The following TPO variants were observed in gnomAD, a reference collection of about 807,000 sequenced individuals.
The protein encoded by TPO is thyroid microsomal antigen.
In TPO, 78 loss-of-function variants were observed where a neutral mutation model predicts 96.9. The ratio of observed to expected loss-of-function variants is 0.81; its 90% CI spans 0.67 to 0.97. The LOEUF (loss-of-function observed/expected upper bound fraction) is 0.97, where lower values mean the gene tolerates loss of function less well. TPO is among the 50% of genes least tolerant of loss of function. TPO has a pLI of 0.00. For synonymous variants in TPO, 547 were observed against 538.0 expected, an observed-to-expected ratio of 1.02 and a Z score of -0.23; for missense variants, 1,252 against 1,274.8, an observed-to-expected ratio of 0.98 and a Z score of 0.27.
chr2:1,433,588 A>G lies in TPO; in HGVS notation c.330A>G (p.Gln110=), dbSNP rs758238641. ...AMKRKVNLKT[Q]QSQHPTDALS... ...AAAGAAAAGTCAACCTGAAAACTCA[A>G]CAATCACAGCATCCAACGGGTAATG... The change falls in exon 4 of 17, where the codon CAA becomes CAG. Residue 110 remains glutamine (Q), a synonymous_variant. Coordinates refer to ENST00000329066, the MANE Select transcript of TPO (RefSeq NM_001206744.2). The G allele has an allele frequency of 8.1e-6, 13 of 1,613,934 alleles. No individual in the cohort carries two copies. The highest frequency in any genetic ancestry group is 6.7e-5 in the East Asian group (3 of 44,876).
At chr2:1,484,377 G>A (rs1281667818) in intron 8 of TPO, among the ~76,000 whole-genome samples, 1 of 152,232 alleles carries the variant, frequency 6.6e-6, no homozygotes. Flanking sequence ...ATCCTGGGAA[G>A]GAGGCTCTCT....
chr2:1,537,481 CA>C (rs1453616122), intron 15 of TPO, among the ~76,000 whole-genome samples: 208 of 46,116 alleles, frequency 4.5e-3, no homozygotes, highest in Non-Finnish European at 7.0e-3. Context: ...CAAATTCTTC[CA>C]CTCTGTGCAG....
At chr2:1,378,156 G>A (rs773236806) in intron 1 of TPO, among the ~76,000 whole-genome samples, 11 of 152,186 alleles carry the variant, frequency 7.2e-5, no homozygotes, top group South Asian at 2.1e-4. Context: ...CTGTGAGTTC[G>A]TTAAACCTCT....
intron 11 of TPO, 75 bp downstream of exon 11, chr2:1,494,114 C>T (rs1454793824): frequency 2.1e-6 from 3 of 1,414,538 alleles, no homozygotes; most frequent in African/African-American, 2.8e-5. Context: ...CTGAAGCCAG[C>T]CAGACCTGCA....
chr2:1,402,453 A>AG (rs897075273), intron 1 of TPO, among the ~76,000 whole-genome samples: 1 of 152,164 alleles, frequency 6.6e-6, no homozygotes, highest in Non-Finnish European at 1.5e-5. Flanking sequence ...CACGGAGCCA[A>AG]GGGGGGTGGG....
intron 13 of TPO, 151 bp downstream of exon 13, chr2:1,496,916 T>C: frequency 3.3e-6 from 4 of 1,225,208 alleles, no homozygotes; most frequent in Non-Finnish European, 4.6e-6. Context: ...GCAAGGGCTC[T>C]CCCCTTGGCT....
chr2:1,452,816 T>C (rs1228920490), intron 5 of TPO, among the ~76,000 whole-genome samples: 1 of 152,220 alleles, frequency 6.6e-6, no homozygotes, highest in Non-Finnish European at 1.5e-5. Flanking sequence ...TAGAAGATGC[T>C]CTGAGACATA....
At chr2:1,476,790 G>A (rs758034679) in intron 7 of TPO, among the ~76,000 whole-genome samples, 4 of 151,944 alleles carry the variant, frequency 2.6e-5, no homozygotes, top group East Asian at 1.9e-4. Context: ...GGGGAGGTGC[G>A]GGGCTGGCTG....
rs541172260 is a variant in TPO at position 1,408,169 on chromosome 2, C to T, written n.180+33767C>T. ...ACACAGATATTCAGGATCCTCTTGT[C>T]CCCGTGTGCAGAGAGGCCTGGTGCT... On this transcript the variant is annotated intron_variant and non_coding_transcript_variant, in intron 1 of 5. Transcript: ENST00000497517. Among the ~76,000 whole-genome samples the T allele has an allele frequency of 7.5e-4, 115 of 152,328 alleles. 1 individual carries two copies. The highest frequency in any genetic ancestry group is 3.1e-3 in the South Asian group (15 of 4,822).
At chr2:1,528,850 T>C (rs1167101727) in intron 15 of TPO, among the ~76,000 whole-genome samples, 16 of 80,214 alleles carry the variant, frequency 2.0e-4, no homozygotes, top group South Asian at 9.0e-4. Context: ...TGCAACCTCC[T>C]CAAATCCCCC....
intron 13 of TPO, among the ~76,000 whole-genome samples, chr2:1,498,602 G>C (rs1169849191): frequency 6.6e-6 from 1 of 152,184 alleles, no homozygotes; most frequent in Non-Finnish European, 1.5e-5. Context: ...TTTGGGATTG[G>C]TCATGAATGA....
chr2:1,489,028 A>G lies in TPO; in HGVS notation c.1768+1037A>G, dbSNP rs115435360. The stretch of plus-strand genomic sequence containing the variant: ...GAGCACAGCCTACACATGCCTTCAC[A>G]TGCCCGGCACATACCCAGCACACAC... On this transcript the variant is annotated intron_variant, in intron 10 of 16. Coordinates refer to ENST00000329066, the MANE Select transcript of TPO (RefSeq NM_001206744.2). Among the ~76,000 whole-genome samples, 487 of 152,192 alleles carry G rather than the reference A, an allele frequency of 3.2e-3. 4 individuals carry two copies. Among genetic ancestry groups the G allele is most frequent in the African/African-American group, 8.0e-3 (333 of 41,518 alleles).
chr2:1,503,663 C>T (rs539644862), intron 13 of TPO: 1 of 599,514 alleles, frequency 1.7e-6, no homozygotes, highest in Admixed American at 2.2e-5. Context: ...CCCAGGCAGA[C>T]CCTGATTTCC....
chr2:1,433,487 T>C lies in TPO; in HGVS notation c.229T>C (p.Ser77Pro), dbSNP rs80193921. Reference protein sequence around the residue: ...ILSPAQLLSFSKLPEPTSGVI... With the variant: ...ILSPAQLLSFPKLPEPTSGVI... ...TTCTCCAGCTCAGCTTCTGTCTTTTTCCAAACTTCCTGAGCCAACAAGCGG... is the reference window on the plus strand; with the variant it reads ...TTCTCCAGCTCAGCTTCTGTCTTTTCCCAAACTTCCTGAGCCAACAAGCGG... Residue 77 changes from serine to proline, a missense_variant, in exon 4 of 17, where the codon TCC becomes CCC. Physicochemically the swap from Ser to Pro is moderately conservative, Grantham distance 74. Coordinates refer to ENST00000329066, the MANE Select transcript of TPO (RefSeq NM_001206744.2). 3.1e-6 allele frequency: 5 copies of C among 1,614,218 alleles called. No individual in the cohort carries two copies. The highest frequency in any genetic ancestry group is 1.3e-5 in the African/African-American group (1 of 75,046).
chr2:1,502,148 C>T (rs889153691), intron 13 of TPO, among the ~76,000 whole-genome samples: 5 of 152,078 alleles, frequency 3.3e-5, no homozygotes, highest in African/African-American at 1.2e-4. Flanking sequence ...GGAAACACTC[C>T]CTACCCCAGA....
intron 1 of TPO, among the ~76,000 whole-genome samples, chr2:1,408,219 G>A (rs556550897): frequency 2.0e-5 from 3 of 152,278 alleles, no homozygotes; most frequent in Non-Finnish European, 2.9e-5. Context: ...TGAGTTGAGC[G>A]GATAGCTGAG....
intron 1 of TPO, among the ~76,000 whole-genome samples, chr2:1,385,557 C>CACA (rs1191104078): frequency 1.3e-5 from 2 of 151,416 alleles, no homozygotes; most frequent in Non-Finnish European, 2.9e-5. Flanking sequence ...GTGGTGATAT[C>CACA]CCCTTTATCA....
At chr2:1,514,932 C>T (rs1299568298) in intron 14 of TPO, among the ~76,000 whole-genome samples, 1 of 152,064 alleles carries the variant, frequency 6.6e-6, no homozygotes, top group African/African-American at 2.4e-5. Flanking sequence ...ATCAGATGCT[C>T]GCCACGGCCC....
In TPO at chr2:1,470,350, G is replaced by A. The variant is rs745730233; in HGVS notation, c.820-6736G>A. ...TTTGCTGCAAACAGGTTTCAAAGGC[G>A]AAAAAGGTGGACAAGGAGTGAGCCT... On this transcript the variant is annotated intron_variant, in intron 7 of 16. Coordinates refer to ENST00000329066, the MANE Select transcript of TPO (RefSeq NM_001206744.2). 9.8e-4 allele frequency among the ~76,000 whole-genome samples: 149 copies of A among 152,086 alleles called. 1 individual carries two copies. The highest frequency in any genetic ancestry group is 1.2e-3 in the Non-Finnish European group (79 of 67,988).
Sources: allele counts gnomAD v4.1 joint callset (sites outside exome capture counted in the v4.1 genomes callset), GRCh38; gene constraint gnomAD v4.1.1; transcripts MANE v1.5; gene names NCBI Gene and HGNC (gene_info 2026-07-23, HGNC 2026-07-21).